The following NEDD4L variants were observed in gnomAD, a reference collection of about 807,000 sequenced individuals.
NEDD4L encodes NEDD4 like E3 ubiquitin protein ligase.
NEDD4L carries 54 observed loss-of-function variants against 148.9 expected under a neutral mutation model. The ratio of observed to expected loss-of-function variants is 0.36; its 90% CI spans 0.29 to 0.45. NEDD4L has a LOEUF of 0.45. NEDD4L is among the 20% of genes least tolerant of loss of function. The pLI is 1.00. For missense variants in NEDD4L, 856 were observed against 1,233.8 expected, an observed-to-expected ratio of 0.69 and a Z score of 4.59; for synonymous variants, 433 against 440.7, an observed-to-expected ratio of 0.98 and a Z score of 0.22.
chr18:58,095,608 C>T (rs76732732), intron 1 of NEDD4L, among the ~76,000 whole-genome samples: 2 of 152,206 alleles, frequency 1.3e-5, no homozygotes, highest in East Asian at 1.9e-4. Context: ...ATGGAATCCT[C>T]GCCCATTGGG....
chr18:58,261,531 A>G (rs2049383921), intron 5 of NEDD4L, among the ~76,000 whole-genome samples: 1 of 152,240 alleles, frequency 6.6e-6, no homozygotes. Context: ...TCTCTTGGCT[A>G]AGCCTGGTGG....
At chr18:58,211,655 C>G (rs910407123) in intron 2 of NEDD4L, among the ~76,000 whole-genome samples, 1 of 152,156 alleles carries the variant, frequency 6.6e-6, no homozygotes, top group Non-Finnish European at 1.5e-5. Context: ...AGAATAAATA[C>G]GTACTACCTG....
At chr18:58,195,255 T>C (rs887386473) in intron 2 of NEDD4L, 1 of 422,944 alleles carries the variant, frequency 2.4e-6, no homozygotes, top group African/African-American at 2.1e-5. Flanking sequence ...GCAAGTTGGC[T>C]GTTATCATAA....
At chr18:58,388,968 G>C in intron 27 of NEDD4L, 117 bp from the exon 28 acceptor site, 1 of 774,438 alleles carries the variant, frequency 1.3e-6, no homozygotes, top group African/African-American at 1.7e-5. Context: ...GTTATGATTT[G>C]CTAGCTTACC....
At chr18:58,213,466 T>C (rs2042811958) in intron 2 of NEDD4L, among the ~76,000 whole-genome samples, 1 of 152,124 alleles carries the variant, frequency 6.6e-6, no homozygotes, top group African/African-American at 2.4e-5. Context: ...TGTAGAAAAA[T>C]GTATAATATC....
chr18:58,292,399 C>T (rs1420818081), intron 5 of NEDD4L, among the ~76,000 whole-genome samples: 2 of 152,146 alleles, frequency 1.3e-5, no homozygotes, highest in African/African-American at 4.8e-5. Context: ...GGGGCTTTCA[C>T]CACCCCACTG....
intron 2 of NEDD4L, among the ~76,000 whole-genome samples, chr18:58,212,946 A>G (rs914635656): frequency 5.8e-5 from 7 of 120,326 alleles, no homozygotes; most frequent in African/African-American, 2.9e-4. Flanking sequence ...TACACAGATA[A>G]CAAATGCAGA....
At chr18:58,189,588 T>C (rs1347626931) in intron 2 of NEDD4L, among the ~76,000 whole-genome samples, 1 of 152,214 alleles carries the variant, frequency 6.6e-6, no homozygotes, top group Admixed American at 6.5e-5. Context: ...AACGAACGTG[T>C]AAATCAGAAT....
intron 30 of NEDD4L, among the ~76,000 whole-genome samples, chr18:58,394,839 T>C (rs901799447): frequency 1.3e-5 from 2 of 152,220 alleles, no homozygotes. Context: ...AGCACGTGAA[T>C]GGTTAGCTTT....
Position 58,349,120 on chromosome 18 carries a change from G to A in NEDD4L, c.1576-417G>A, listed in dbSNP as rs182851638. 2.0e-3 allele frequency among the ~76,000 whole-genome samples: 300 copies of A among 152,058 alleles called. 3 individuals are homozygous for A. Among genetic ancestry groups the A allele is most frequent in the Admixed American group, 0.018 (271 of 15,280 alleles). The stretch of plus-strand genomic sequence containing the variant: ...GTGGCAGGGAGGCCTATTCCCTAAC[G>A]TGTTAGGCTGGCTCCCCTCACCGGG... On this transcript the variant is annotated intron_variant, in intron 16 of 30. Transcript: ENST00000400345.
At chr18:58,371,707 C>G (rs968285327) in intron 23 of NEDD4L, 5 of 152,450 alleles carry the variant, frequency 3.3e-5, no homozygotes, top group African/African-American at 9.7e-5. Context: ...GCCAGCAGTG[C>G]CCTTGAACCC....
intron 2 of NEDD4L, among the ~76,000 whole-genome samples, chr18:58,223,020 A>G (rs1020301081): frequency 6.7e-6 from 1 of 149,806 alleles, no homozygotes; most frequent in Non-Finnish European, 1.5e-5. Flanking sequence ...AGAATGCCAC[A>G]GTGGTGGGTG....
chr18:58,194,347 C>G (rs776134327), intron 2 of NEDD4L, among the ~76,000 whole-genome samples: 1 of 152,138 alleles, frequency 6.6e-6, no homozygotes, highest in Non-Finnish European at 1.5e-5. Context: ...AGTGTTGGGC[C>G]GGTCACCCAT....
intron 1 of NEDD4L, among the ~76,000 whole-genome samples, chr18:58,083,409 C>T (rs772904167): frequency 3.3e-5 from 5 of 152,008 alleles, no homozygotes; most frequent in East Asian, 1.9e-4. Context: ...AACCAGGGGC[C>T]GGGTGCGGTG....
chr18:58,097,755 G>A (rs944998971), intron 1 of NEDD4L, among the ~76,000 whole-genome samples: 2 of 152,188 alleles, frequency 1.3e-5, no homozygotes, highest in Non-Finnish European at 2.9e-5. Flanking sequence ...TAGTTGACCA[G>A]GTATGGTGGC....
At chr18:58,316,896 T>G (rs1050364749) in intron 6 of NEDD4L, among the ~76,000 whole-genome samples, 2 of 139,636 alleles carry the variant, frequency 1.4e-5, no homozygotes, top group African/African-American at 5.5e-5. Context: ...TGTTATTTTT[T>G]TAAATGCTTT....
chr18:58,350,539 G>C (rs994166022), intron 17 of NEDD4L, among the ~76,000 whole-genome samples: 3 of 152,194 alleles, frequency 2.0e-5, no homozygotes, highest in Non-Finnish European at 2.9e-5. Flanking sequence ...TCCTGAGCTT[G>C]ACTAGCAAAA....
intron 1 of NEDD4L, among the ~76,000 whole-genome samples, chr18:58,143,966 T>C (rs2033831075): frequency 6.6e-6 from 1 of 152,158 alleles, no homozygotes; most frequent in Admixed American, 6.5e-5. Flanking sequence ...TAGGTTTCTG[T>C]TTTGATAGAA....
intron 2 of NEDD4L, chr18:58,195,316 G>A: frequency 1.2e-6 from 1 of 811,086 alleles, no homozygotes; most frequent in Middle Eastern, 5.5e-4. Flanking sequence ...GCTGTGGTTT[G>A]AATTGCTTTT....
Sources: gnomAD v4.1 joint callset for allele counts (sites outside exome capture counted in the v4.1 genomes callset) on GRCh38, gnomAD v4.1.1 for gene constraint, MANE v1.5 for transcripts, NCBI Gene and HGNC (gene_info 2026-07-23, HGNC 2026-07-21) for gene names.